DAGLB: variants seen among roughly 807,000 people sequenced by gnomAD.
DAGLB encodes diacylglycerol lipase beta, also known as diacylglycerol lipase-beta.
A neutral mutation model predicts 72.1 loss-of-function variants in DAGLB; 66 were observed. That is an observed-to-expected ratio of 0.92 (90% CI 0.75 to 1.12). The LOEUF is 1.12. Among genes scored for constraint, DAGLB ranks in the 50% most tolerant of loss-of-function variants. DAGLB has a pLI of 0.00. For missense variants in DAGLB, 1,065 were observed against 884.9 expected (o/e 1.20, Z -2.58); for synonymous variants, 414 against 359.5 (o/e 1.15, Z -1.71).
intron 9 of DAGLB, chr7:6,417,168 G>C (rs1223630471): frequency 2.1e-6 from 1 of 465,250 alleles, no homozygotes; most frequent in African/African-American, 2.0e-5. Context: ...GGCCAAGGCA[G>C]GAGGACACTT....
At chr7:6,432,765 A>T (rs1583295919) in intron 5 of DAGLB, 72 bp downstream of exon 5, 1 of 1,528,522 alleles carries the variant, frequency 6.5e-7, no homozygotes, top group Non-Finnish European at 8.7e-7. Context: ...GCTATAGGTT[A>T]GCTGTATGAT....
chr7:6,434,767 A>G lies in DAGLB; in HGVS notation c.673T>C (p.Phe225Leu). 6.2e-7 allele frequency: 1 copy of G among 1,614,122 alleles called. No homozygotes were observed. The highest frequency in any genetic ancestry group is 8.5e-7 in the Non-Finnish European group (1 of 1,179,990). ...ACCAGATCCCCTCGGCTTACTGAAA[A>G]GTAGGTTGAGAAAAGCTCTGCCGTA... ...SSTAELFSTYFSDTDLVPSDI... is the reference protein window; with the variant it reads ...SSTAELFSTYLSDTDLVPSDI... Residue 225 changes from phenylalanine to leucine, a missense_variant, in exon 4 of 15, where the codon TTT (phenylalanine) becomes CTT (leucine). Transcript: ENST00000297056.
At chr7:6,441,360 G>A (rs989920380) in intron 2 of DAGLB, among the ~76,000 whole-genome samples, 3 of 151,416 alleles carry the variant, frequency 2.0e-5, no homozygotes, top group Non-Finnish European at 4.4e-5. Flanking sequence ...CAAAGTGCTG[G>A]GATTACAGGC....
chr7:6,441,685 G>C (rs981743118), intron 2 of DAGLB, among the ~76,000 whole-genome samples: 1 of 152,002 alleles, frequency 6.6e-6, no homozygotes, highest in African/African-American at 2.4e-5. Context: ...CCAGAGTGCT[G>C]GAATTACAGG....
Position 6,409,838 on chromosome 7 carries a change from C to G in DAGLB, c.2018G>C (p.Ter673SerextTer18), listed in dbSNP as rs769803026. 1.9e-6 allele frequency: 3 copies of G among 1,613,444 alleles called. No individual in the cohort carries two copies. Among genetic ancestry groups the G allele is most frequent in the South Asian group, 2.2e-5 (2 of 91,042 alleles). ...AQGVSSVDVA[*>S] ...TGGGACAGTTTCCAGTGGCCCTGGT[C>G]AGGCCACGTCCACACTGGAGACCCC... The change falls in exon 15 of 15, where the codon TGA becomes TCA. Residue 673 changes from the stop codon to serine, a stop_lost. Coordinates refer to ENST00000297056, the MANE Select transcript of DAGLB (RefSeq NM_139179.4).
chr7:6,421,276 A>C (rs1784108828), intron 9 of DAGLB, among the ~76,000 whole-genome samples: 1 of 151,562 alleles, frequency 6.6e-6, no homozygotes, highest in East Asian at 2.0e-4. Context: ...AACAAACGAA[A>C]TCCCACAGCC....
Position 6,426,041 on chromosome 7 carries a change from G to A in DAGLB, c.1003C>T (p.His335Tyr), listed in dbSNP as rs1784301511. The A allele has an allele frequency of 2.5e-6, 4 of 1,613,980 alleles. No homozygotes were observed. The highest frequency in any genetic ancestry group is 2.7e-5 in the African/African-American group (2 of 74,944). ...TCCCTGTACTGCAGCCCTGTGGTGT[G>A]CAGGATGGAGCCGAAGTGACAGTTG... ...QLNCHFGSILHTTGLQYRDFI... is the reference protein window; with the variant it reads ...QLNCHFGSILYTTGLQYRDFI... Residue 335 changes from histidine to tyrosine, a missense_variant, in exon 7 of 15, where the codon CAC (histidine) becomes TAC (tyrosine). By Grantham distance (83) the His-to-Tyr change is moderately conservative. Coordinates refer to ENST00000297056, the MANE Select transcript of DAGLB (RefSeq NM_139179.4).
At chr7:6,425,437 A>G (rs927120955) in intron 7 of DAGLB, among the ~76,000 whole-genome samples, 2 of 152,032 alleles carry the variant, frequency 1.3e-5, no homozygotes, top group Non-Finnish European at 2.9e-5. Flanking sequence ...ACGCCCAGCT[A>G]ATTTTTGTAT....
chr7:6,409,882 GC>G lies in DAGLB; in HGVS notation c.1973del (p.Cys658SerfsTer65). 1 of 1,614,056 alleles carries G rather than the reference GC, an allele frequency of 6.2e-7. No individual in the cohort carries two copies. The highest frequency in any genetic ancestry group is 1.1e-5 in the South Asian group (1 of 91,086). On this transcript the variant is annotated frameshift_variant, in exon 15 of 15. Coordinates refer to ENST00000297056, the MANE Select transcript of DAGLB (RefSeq NM_139179.4). LOFTEE classifies it low-confidence loss of function (END_TRUNC). ...LDSVVSDRAA[C>X]VSCPAQGVSS... ...AGACCCCTTGTGCTGGACAGGAGAC[GC>G]AGGCCGCTCTGTCGGAGACCACGCT...
chr7:6,434,794 T>A lies in DAGLB; in HGVS notation c.646A>T (p.Ser216Cys). 4.3e-6 allele frequency: 7 copies of A among 1,614,184 alleles called. No individual in the cohort carries two copies. Among genetic ancestry groups the A allele is most frequent in the Non-Finnish European group, 5.9e-6 (7 of 1,180,032 alleles). ...KDDHTRVAFS[S>C]TAELFSTYFS... ...TAGGTTGAGAAAAGCTCTGCCGTAC[T>A]CGAAAAAGCAACCCGAGTATGGTCG... The change falls in exon 4 of 15, where the codon AGT (serine) becomes TGT (cysteine). Residue 216 changes from serine (S) to cysteine (C), a missense_variant. Coordinates refer to ENST00000297056, the MANE Select transcript of DAGLB (RefSeq NM_139179.4).
intron 2 of DAGLB, among the ~76,000 whole-genome samples, chr7:6,444,172 T>C (rs1263554122): frequency 6.6e-6 from 1 of 151,626 alleles, no homozygotes; most frequent in Non-Finnish European, 1.5e-5. Context: ...TACTTGGGGG[T>C]TGAGAAGAGA....
Position 6,441,324 on chromosome 7 carries a change from C to A in DAGLB, c.247+4629G>T, listed in dbSNP as rs1338500875. On this transcript the variant is annotated intron_variant, in intron 2 of 14. Transcript: ENST00000297056. Reference sequence around the variant, plus strand: ...GCCAGGATGGTCTCAATCTCCTCACCTCATGATTCGCCCGCCTCGGCCTCC... The same window carrying A: ...GCCAGGATGGTCTCAATCTCCTCACATCATGATTCGCCCGCCTCGGCCTCC... Among the ~76,000 whole-genome samples, 5 of 150,818 alleles carry A rather than the reference C, an allele frequency of 3.3e-5. No homozygotes were observed. In the East Asian group the frequency reaches 9.9e-4, roughly 30 times the overall value.
chr7:6,418,833 T>G (rs1784009160), intron 9 of DAGLB, among the ~76,000 whole-genome samples: 2 of 151,374 alleles, frequency 1.3e-5, no homozygotes, highest in Non-Finnish European at 2.9e-5. Context: ...CCCGGCTAAT[T>G]TTTTGTATTT....
Position 6,413,207 on chromosome 7 carries a change from T to A in DAGLB, c.1428-173A>T, listed in dbSNP as rs138070509. 7.9e-4 allele frequency among the ~76,000 whole-genome samples: 120 copies of A among 152,234 alleles called. 1 individual carries two copies. The highest frequency in any genetic ancestry group is 2.6e-3 in the African/African-American group (109 of 41,538). On this transcript the variant is annotated intron_variant, in intron 11 of 14. Transcript: ENST00000297056. ...CAGTTATGGCAACTCACTGGCCAGA[T>A]CCTACTAAAGCCACAATATGTGTTC...
chr7:6,415,799 CA>C (rs1278127535), intron 11 of DAGLB, among the ~76,000 whole-genome samples: 1 of 150,372 alleles, frequency 6.7e-6, no homozygotes, highest in African/African-American at 2.5e-5. Context: ...GAGCCGAGAT[CA>C]CGCCACTGCA....
chr7:6,409,783 T>G lies in DAGLB; in HGVS notation c.*54A>C. On this transcript the variant is annotated 3_prime_UTR_variant, in exon 15 of 15. Transcript: ENST00000297056. ...GGAACTCCTCGGATGGTAAGTCAGTTTAAGGACAAAAGCGTGAGTCCATCG... is the reference window on the plus strand; with the variant it reads ...GGAACTCCTCGGATGGTAAGTCAGTGTAAGGACAAAAGCGTGAGTCCATCG... 6.3e-7 allele frequency: 1 copy of G among 1,577,832 alleles called. No homozygotes were observed. Among genetic ancestry groups the G allele is most frequent in the Non-Finnish European group, 8.6e-7 (1 of 1,159,698 alleles).
chr7:6,411,856 C>G (rs1298563765), intron 13 of DAGLB, among the ~76,000 whole-genome samples: 1 of 152,136 alleles, frequency 6.6e-6, no homozygotes, highest in East Asian at 1.9e-4. Context: ...AGTCATATCT[C>G]TTAAGAATAA....
chr7:6,430,657 A>C, intron 5 of DAGLB, 50 bp from the exon 6 acceptor site: 2 of 1,478,166 alleles, frequency 1.4e-6, no homozygotes, highest in Non-Finnish European at 1.8e-6. Context: ...CTCCTGACAC[A>C]GAGGATCAAC....
At chr7:6,439,064 G>T (rs898874541) in intron 2 of DAGLB, among the ~76,000 whole-genome samples, 3 of 151,972 alleles carry the variant, frequency 2.0e-5, no homozygotes, top group African/African-American at 4.8e-5. Context: ...AGACCAGCCT[G>T]GCTGACATGG....
Sources: allele counts gnomAD v4.1 joint callset (sites outside exome capture counted in the v4.1 genomes callset), GRCh38; gene constraint gnomAD v4.1.1; transcripts MANE v1.5; gene names NCBI Gene and HGNC (gene_info 2026-07-23, HGNC 2026-07-21).